The following NALCN variants were observed in gnomAD, a reference collection of about 807,000 sequenced individuals.
NALCN encodes sodium leak channel, non-selective.
Under a neutral mutation model 225.3 loss-of-function variants are expected in NALCN, and 111 were observed. The observed-to-expected ratio is 0.49, with a 90% CI of 0.42 to 0.58. The LOEUF (loss-of-function observed/expected upper bound fraction) is 0.58, where lower values mean the gene tolerates loss of function less well. NALCN is among the 20% of genes least tolerant of loss of function. NALCN has a pLI of 0.00. For synonymous variants in NALCN, 764 were observed against 769.0 expected, an observed-to-expected ratio of 0.99 and a Z score of 0.11; for missense variants, 1,378 against 2,202.4, an observed-to-expected ratio of 0.63 and a Z score of 7.49.
rs370468738 is a variant in NALCN at position 101,181,930 on chromosome 13, G to A, written c.1765-5556C>T. On this transcript the variant is annotated intron_variant, in intron 14 of 43. Coordinates refer to ENST00000251127, the MANE Select transcript of NALCN (RefSeq NM_052867.4). The stretch of plus-strand genomic sequence containing the variant: ...CGGCAGATCACGAGGTCAGGAGATC[G>A]AGACCATCCTGGCTAACATGGTGAA... Among the ~76,000 whole-genome samples, 1,239 of 152,076 alleles carry A rather than the reference G, an allele frequency of 8.1e-3. 15 individuals carry two copies. Among genetic ancestry groups the A allele is most frequent in the South Asian group, 0.049 (236 of 4,814 alleles).
At chr13:101,232,645 A>G (rs1448658037) in intron 12 of NALCN, among the ~76,000 whole-genome samples, 1 of 151,788 alleles carries the variant, frequency 6.6e-6, no homozygotes, top group Non-Finnish European at 1.5e-5. Context: ...ACGGGGTTTC[A>G]CCATGTTAGC....
At chr13:101,313,339 A>C (rs1352534851) in intron 7 of NALCN, among the ~76,000 whole-genome samples, 1 of 152,226 alleles carries the variant, frequency 6.6e-6, no homozygotes, top group East Asian at 1.9e-4. Context: ...AATGGGATTT[A>C]ATTAAACTAA....
At chr13:101,409,515 T>C (rs944247654) in intron 1 of NALCN, among the ~76,000 whole-genome samples, 2 of 152,158 alleles carry the variant, frequency 1.3e-5, no homozygotes, top group Admixed American at 6.5e-5. Context: ...TATCCTACTC[T>C]ATATTAATTA....
chr13:101,343,631 A>G (rs906517247), intron 7 of NALCN, among the ~76,000 whole-genome samples: 10 of 152,332 alleles, frequency 6.6e-5, no homozygotes, highest in Non-Finnish European at 1.3e-4. Context: ...AGGAGCTTAA[A>G]TCCTTGGGAG....
intron 6 of NALCN, among the ~76,000 whole-genome samples, chr13:101,363,606 T>C (rs1165165566): frequency 6.6e-6 from 1 of 152,108 alleles, no homozygotes; most frequent in South Asian, 2.1e-4. Context: ...GACTTAAATC[T>C]AAGAACTGAA....
intron 13 of NALCN, among the ~76,000 whole-genome samples, chr13:101,227,738 T>C (rs1445921365): frequency 6.6e-6 from 1 of 152,158 alleles, no homozygotes; most frequent in Non-Finnish European, 1.5e-5. Context: ...GTGCCTTCCC[T>C]ACTAGAGTTG....
chr13:101,377,057 C>G lies in NALCN; in HGVS notation c.376-1G>C. ...CAACTATATCAGCAATTTCAAACAC[C>G]TACAAATTAAAAGATGGGTAAATGA... On this transcript the variant is annotated splice_acceptor_variant, in intron 4 of 43. Coordinates refer to ENST00000251127, the MANE Select transcript of NALCN (RefSeq NM_052867.4). LOFTEE classifies it high-confidence loss of function. 1 of 1,614,048 alleles carries G rather than the reference C, an allele frequency of 6.2e-7. No individual in the cohort carries two copies. The highest frequency in any genetic ancestry group is 8.5e-7 in the Non-Finnish European group (1 of 1,179,972).
At chr13:101,080,747 ATAAT>A (rs1309360144) in intron 34 of NALCN, among the ~76,000 whole-genome samples, 5 of 146,054 alleles carry the variant, frequency 3.4e-5, no homozygotes, top group Admixed American at 2.1e-4. Context: ...AATATATTAC[ATAAT>A]TAAATAATTA....
chr13:101,258,467 C>T lies in NALCN; in HGVS notation c.1242G>A (p.Gln414=), dbSNP rs1404428743. Reference sequence around the variant, plus strand: ...CCTCCGCCAGGTAGAACTCGTCGTACTGCCTCCTGAAGTTTTCTCCTTTGT... The same window carrying T: ...CCTCCGCCAGGTAGAACTCGTCGTATTGCCTCCTGAAGTTTTCTCCTTTGT... The part of the protein sequence containing the change: ...NYYKGENFRR[Q]YDEFYLAEVA... Residue 414 remains glutamine (Q), a synonymous_variant, in exon 11 of 44, where the codon CAG becomes CAA. Transcript: ENST00000251127. The T allele has an allele frequency of 6.2e-7, 1 of 1,614,078 alleles. No homozygotes were observed. Among genetic ancestry groups the T allele is most frequent in the Non-Finnish European group, 8.5e-7 (1 of 1,180,034 alleles).
At chr13:101,097,403 G>A (rs17621203) in intron 27 of NALCN, among the ~76,000 whole-genome samples, 2,099 of 152,214 alleles carry the variant, frequency 0.014, 35 homozygotes, top group East Asian at 0.083. Context: ...GAAAGGCTGT[G>A]TTGTAGTGTA....
chr13:101,188,693 T>C (rs1009755609), intron 14 of NALCN, among the ~76,000 whole-genome samples: 7 of 150,962 alleles, frequency 4.6e-5, no homozygotes, highest in Non-Finnish European at 1.0e-4. Context: ...TATATATATA[T>C]ATTTTTTTGA....
chr13:101,343,737 G>A (rs2045629854), intron 7 of NALCN, among the ~76,000 whole-genome samples: 1 of 152,216 alleles, frequency 6.6e-6, no homozygotes, highest in South Asian at 2.1e-4. Context: ...TCTCAAGTCA[G>A]CACAGTACAA....
intron 7 of NALCN, among the ~76,000 whole-genome samples, chr13:101,340,587 C>A (rs546611342): frequency 1.3e-5 from 2 of 152,172 alleles, no homozygotes; most frequent in Non-Finnish European, 2.9e-5. Flanking sequence ...CTATCACTTA[C>A]CCCATTTCCT....
At chr13:101,226,697 G>GCCAT (rs1449590385) in intron 13 of NALCN, among the ~76,000 whole-genome samples, 8 of 152,140 alleles carry the variant, frequency 5.3e-5, no homozygotes, top group African/African-American at 1.7e-4. Context: ...GGGGACCACT[G>GCCAT]CCATCCCCAC....
chr13:101,365,010 T>C (rs1280243148), intron 6 of NALCN, among the ~76,000 whole-genome samples: 2 of 152,198 alleles, frequency 1.3e-5, no homozygotes, highest in Non-Finnish European at 2.9e-5. Flanking sequence ...ATTAATGCTC[T>C]AAATTCCAGT....
chr13:101,359,988 T>A (rs1473988902), intron 6 of NALCN, among the ~76,000 whole-genome samples: 1 of 152,172 alleles, frequency 6.6e-6, no homozygotes. Context: ...TCATTCTGTA[T>A]GATACAAATA....
intron 15 of NALCN, among the ~76,000 whole-genome samples, chr13:101,170,096 A>AG (rs34696973): frequency 0.25 from 37,776 of 152,076 alleles, 5,441 homozygotes; most frequent in Non-Finnish European, 0.33. Flanking sequence ...TGAGAGCTTC[A>AG]GGTGTGTTAG....
At chr13:101,142,925 A>G (rs755409272) in intron 17 of NALCN, 155 bp downstream of exon 17, 38 of 1,105,788 alleles carry the variant, frequency 3.4e-5, no homozygotes, top group Non-Finnish European at 4.9e-5. Flanking sequence ...AGAGTAAAAA[A>G]TGTTAGGTTT....
intron 13 of NALCN, among the ~76,000 whole-genome samples, chr13:101,215,734 T>C (rs2040704875): frequency 6.6e-6 from 1 of 152,118 alleles, no homozygotes; most frequent in African/African-American, 2.4e-5. Flanking sequence ...CTTTAAGTTC[T>C]AGGGTACATG....
Sources: gnomAD v4.1 joint callset for allele counts (sites outside exome capture counted in the v4.1 genomes callset) on GRCh38, gnomAD v4.1.1 for gene constraint, MANE v1.5 for transcripts, NCBI Gene and HGNC (gene_info 2026-07-23, HGNC 2026-07-21) for gene names.